HLTF: variants seen among roughly 807,000 people sequenced by gnomAD.
HLTF encodes the protein DNA-dependent ATPase/E3 ubiquitin-protein ligase HLTF.
Under a neutral mutation model 129.4 loss-of-function variants are expected in HLTF, and 127 were observed. The ratio of observed to expected loss-of-function variants is 0.98; its 90% CI spans 0.85 to 1.14. The LOEUF (loss-of-function observed/expected upper bound fraction) is 1.14. Ranked by LOEUF, HLTF falls within the 50% of genes most tolerant of loss-of-function variation. The pLI, the probability that HLTF is intolerant of heterozygous loss-of-function variation, is 0.00. For missense variants in HLTF, 1,139 were observed against 1,187.1 expected (o/e 0.96, Z 0.60); for synonymous variants, 332 against 388.8 (o/e 0.85, Z 1.72).
In HLTF at chr3:149,049,010, A is replaced by G. The variant is rs764432368; in HGVS notation, c.1618-9T>C. 2.9e-5 allele frequency: 45 copies of G among 1,572,666 alleles called. No homozygotes were observed. Among genetic ancestry groups the G allele is most frequent in the Admixed American group, 5.2e-5 (3 of 57,494 alleles). ...GGACTATCTCCTTTAGTCTGAAATAAATGTTTTATATGAATTAAAAAACAC... is the reference window on the plus strand; with the variant it reads ...GGACTATCTCCTTTAGTCTGAAATAGATGTTTTATATGAATTAAAAAACAC... On this transcript the variant is annotated splice_polypyrimidine_tract_variant and intron_variant, in intron 15 of 24. Transcript: ENST00000310053.
intron 20 of HLTF, 154 bp from the exon 21 acceptor site, chr3:149,040,310 G>A: frequency 1.7e-6 from 1 of 603,122 alleles, no homozygotes. Flanking sequence ...AGAGACATCT[G>A]AACATGCTGA....
intron 14 of HLTF, among the ~76,000 whole-genome samples, chr3:149,052,830 A>G (rs1034605522): frequency 1.3e-5 from 2 of 152,212 alleles, no homozygotes; most frequent in African/African-American, 4.8e-5. Context: ...GGGACAGTGC[A>G]TTATTTGTAA....
At chr3:149,083,205 T>C (rs1720031247) in intron 2 of HLTF, among the ~76,000 whole-genome samples, 2 of 151,792 alleles carry the variant, frequency 1.3e-5, no homozygotes, top group South Asian at 2.1e-4. Flanking sequence ...GAGCCAAGAT[T>C]GCACCATTGC....
Position 149,039,165 on chromosome 3 carries a change from T to A in HLTF, c.2680A>T (p.Ile894Phe). 2 of 1,611,552 alleles carry A rather than the reference T, an allele frequency of 1.2e-6. No individual in the cohort carries two copies. Among genetic ancestry groups the A allele is most frequent in the Non-Finnish European group, 1.7e-6 (2 of 1,178,900 alleles). Residue 894 changes from isoleucine (I) to phenylalanine (F), a missense_variant, in exon 23 of 25, where the codon ATT (isoleucine) becomes TTT (phenylalanine). Coordinates refer to ENST00000310053, the MANE Select transcript of HLTF (RefSeq NM_003071.4). ...SMAQKKRVESIQCFQNTEAGS... is the reference protein window; with the variant it reads ...SMAQKKRVESFQCFQNTEAGS... ...GCTTCAGTGTTTTGAAAACACTGAATTGATTCAACTCTTTTCTTTTGGGCC... is the reference window on the plus strand; with the variant it reads ...GCTTCAGTGTTTTGAAAACACTGAAATGATTCAACTCTTTTCTTTTGGGCC...
chr3:149,045,352 T>C (rs985533194), intron 18 of HLTF, among the ~76,000 whole-genome samples: 1 of 152,182 alleles, frequency 6.6e-6, no homozygotes, highest in Non-Finnish European at 1.5e-5. Flanking sequence ...CTTTATTCCT[T>C]AAAACTTAAT....
chr3:149,034,854 ATTAC>A (rs1715433529), intron 24 of HLTF, 60 bp downstream of exon 24: 1 of 1,037,686 alleles, frequency 9.6e-7, no homozygotes, highest in Non-Finnish European at 1.5e-6. Flanking sequence ...ATATTCATGC[ATTAC>A]TTGCTTAATT....
rs796281325 is a variant in HLTF at position 149,079,591 on chromosome 3, G to GT, written c.229-3545dup. 2.4e-4 allele frequency among the ~76,000 whole-genome samples: 37 copies of GT among 151,688 alleles called. 1 individual carries two copies. The highest frequency in any genetic ancestry group is 8.9e-4 in the African/African-American group (37 of 41,390). On this transcript the variant is annotated intron_variant, in intron 2 of 24. Coordinates refer to ENST00000310053, the MANE Select transcript of HLTF (RefSeq NM_003071.4). ...AGCTGTGAGCAAAGGTTTTTTTGGG[G>GT]TTTTCTTTGTTGTTGTTTTTTTGAG...
chr3:149,049,026 T>A, intron 15 of HLTF, 25 bp from the exon 16 acceptor site: 1 of 1,510,500 alleles, frequency 6.6e-7, no homozygotes, highest in Non-Finnish European at 9.1e-7. Flanking sequence ...TTATATGAAT[T>A]AAAAAACACA....
At chr3:149,063,138 C>G in intron 10 of HLTF, 5 of 463,672 alleles carry the variant, frequency 1.1e-5, no homozygotes, top group Non-Finnish European at 2.1e-5. Flanking sequence ...TAACTCACTG[C>G]AAGCTCTGCC....
At chr3:149,084,336 C>A (rs540542533) in intron 2 of HLTF, among the ~76,000 whole-genome samples, 1 of 146,230 alleles carries the variant, frequency 6.8e-6, no homozygotes, top group African/African-American at 2.5e-5. Context: ...AAGAAACATA[C>A]GGAGAAATGA....
Position 149,075,976 on chromosome 3 carries a change from T to C in HLTF, c.300A>G (p.Val100=). 9 of 1,575,196 alleles carry C rather than the reference T, an allele frequency of 5.7e-6. No individual in the cohort carries two copies. The highest frequency in any genetic ancestry group is 7.9e-6 in the Non-Finnish European group (9 of 1,145,580). ...CAACTTGATTTCCATTCACATTGTTTACTTTAATTGCATTCTTATCATAAG... is the reference window on the plus strand; with the variant it reads ...CAACTTGATTTCCATTCACATTGTTCACTTTAATTGCATTCTTATCATAAG... ...NNPYDKNAIK[V]NNVNGNQVGH... is the part of the protein sequence containing the mutation. Residue 100 remains valine, a synonymous_variant, in exon 3 of 25, where the codon GTA becomes GTG. Coordinates refer to ENST00000310053, the MANE Select transcript of HLTF (RefSeq NM_003071.4).
intron 2 of HLTF, among the ~76,000 whole-genome samples, chr3:149,079,015 G>C (rs1190215404): frequency 6.6e-6 from 1 of 152,144 alleles, no homozygotes; most frequent in Non-Finnish European, 1.5e-5. Flanking sequence ...AGACTCAACA[G>C]CAAATTTGAG....
At position 149,072,473 on chromosome 3, in the gene HLTF, TTTA is replaced by T. The variant is rs1344695490; in HGVS notation, c.627+749_627+751del. ...AACTTGCCATGCACTATAGGATACTTTTATTATTATGCTAACTTAATTGACTAT... is the reference window on the plus strand; with the variant it reads ...AACTTGCCATGCACTATAGGATACTTTTATTATGCTAACTTAATTGACTAT... On this transcript the variant is annotated intron_variant, in intron 5 of 24. Coordinates refer to ENST00000310053, the MANE Select transcript of HLTF (RefSeq NM_003071.4). Among the ~76,000 whole-genome samples the T allele has an allele frequency of 2.6e-5, 4 of 152,342 alleles. No individual in the cohort carries two copies. The East Asian group carries it at 7.7e-4, about 29-fold the overall frequency.
At chr3:149,079,972 T>C (rs1719733921) in intron 2 of HLTF, among the ~76,000 whole-genome samples, 1 of 151,750 alleles carries the variant, frequency 6.6e-6, no homozygotes, top group African/African-American at 2.4e-5. Flanking sequence ...TTAATTGTAA[T>C]CCCTAAAGCA....
intron 14 of HLTF, among the ~76,000 whole-genome samples, chr3:149,053,139 C>A (rs1206177762): frequency 1.3e-5 from 2 of 152,098 alleles, no homozygotes; most frequent in African/African-American, 4.8e-5. Flanking sequence ...AGATCCTTTA[C>A]TTGAGAGCCA....
intron 2 of HLTF, among the ~76,000 whole-genome samples, chr3:149,077,042 A>G (rs1405239255): frequency 2.6e-5 from 4 of 151,976 alleles, no homozygotes; most frequent in Non-Finnish European, 5.9e-5. Context: ...AGGTCAAGAG[A>G]TCAAGACCAT....
chr3:149,075,404 T>C (rs1417615754), intron 3 of HLTF, among the ~76,000 whole-genome samples: 1 of 152,022 alleles, frequency 6.6e-6, no homozygotes. Context: ...CAAAAATTAA[T>C]TGGGCATGGT....
chr3:149,074,207 A>G lies in HLTF; in HGVS notation c.529+8T>C, dbSNP rs1418290129. On this transcript the variant is annotated splice_region_variant and intron_variant, in intron 4 of 24. Transcript: ENST00000310053. ...TCAGAATAATATTAAGTGAAACCCT[A>G]AACTTACTTTTTGGTGCAGGACCCA... 4.3e-6 allele frequency: 7 copies of G among 1,609,514 alleles called. No individual in the cohort carries two copies. Among genetic ancestry groups the G allele is most frequent in the Non-Finnish European group, 5.9e-6 (7 of 1,178,008 alleles).
chr3:149,062,934 TC>T (rs1718069111), intron 10 of HLTF: 1 of 354,746 alleles, frequency 2.8e-6, no homozygotes, highest in Non-Finnish European at 5.7e-6. Context: ...GTATCATTCT[TC>T]TTCATCTGTA....
Sources: allele counts gnomAD v4.1 joint callset (sites outside exome capture counted in the v4.1 genomes callset), GRCh38; gene constraint gnomAD v4.1.1; transcripts MANE v1.5; gene names NCBI Gene and HGNC (gene_info 2026-07-23, HGNC 2026-07-21).